Variants in PPM1L observed in about 807,000 individuals in gnomAD.
PPM1L encodes the protein protein phosphatase, Mg2+/Mn2+ dependent 1L.
Under a neutral mutation model 31.4 loss-of-function variants are expected in PPM1L, and 13 were observed. That is an observed-to-expected ratio of 0.41 (90% CI 0.27 to 0.66). PPM1L has a LOEUF of 0.66. Among genes scored for constraint, PPM1L ranks in the 30% least tolerant of loss-of-function variants. PPM1L has a pLI of 0.29. For synonymous variants in PPM1L, 184 were observed against 175.4 expected (o/e 1.05, Z -0.39); for missense variants, 326 against 453.7 (o/e 0.72, Z 2.56).
chr3:160,922,249 G>T (rs1326245112), intron 1 of PPM1L, among the ~76,000 whole-genome samples: 3 of 152,050 alleles, frequency 2.0e-5, no homozygotes, highest in Non-Finnish European at 2.9e-5. Flanking sequence ...GGTGGAGCTT[G>T]CAGTGAGCCG....
chr3:160,877,691 G>T (rs1712564913), intron 1 of PPM1L, among the ~76,000 whole-genome samples: 1 of 152,190 alleles, frequency 6.6e-6, no homozygotes. Context: ...GAAGTACACT[G>T]GATTTTACAG....
chr3:160,999,132 T>C (rs116354813), intron 2 of PPM1L, among the ~76,000 whole-genome samples: 2,819 of 152,288 alleles, frequency 0.019, 78 homozygotes, highest in African/African-American at 0.063. Flanking sequence ...TCTATGTGCC[T>C]GTACTCTTTT....
chr3:160,973,764 G>GTCTTTTTTTTTTTTT (rs1716436296), intron 2 of PPM1L, among the ~76,000 whole-genome samples: 1 of 88,450 alleles, frequency 1.1e-5, no homozygotes, highest in Non-Finnish European at 2.6e-5. Context: ...GAAAGGCCCT[G>GTCTTTTTTTTTTTTT]TTTTTTTTTT....
chr3:160,892,022 G>A (rs1384847402), intron 1 of PPM1L, among the ~76,000 whole-genome samples: 1 of 152,198 alleles, frequency 6.6e-6, no homozygotes, highest in African/African-American at 2.4e-5. Context: ...GGGAGGGATA[G>A]CATTAGGAGA....
intron 2 of PPM1L, among the ~76,000 whole-genome samples, chr3:161,011,889 G>T (rs546038126): frequency 6.6e-6 from 1 of 152,204 alleles, no homozygotes; most frequent in Non-Finnish European, 1.5e-5. Flanking sequence ...ACTTGCTGAA[G>T]TTGCCTATCA....
chr3:160,973,764 G>GTTTTTTTTTTT (rs75599237), intron 2 of PPM1L, among the ~76,000 whole-genome samples: 3,033 of 87,832 alleles, frequency 0.035, 513 homozygotes, highest in Non-Finnish European at 0.062. Context: ...GAAAGGCCCT[G>GTTTTTTTTTTT]TTTTTTTTTT....
At chr3:161,036,519 T>G (rs1718746791) in intron 2 of PPM1L, among the ~76,000 whole-genome samples, 1 of 152,234 alleles carries the variant, frequency 6.6e-6, no homozygotes, top group South Asian at 2.1e-4. Flanking sequence ...GAACAATGCT[T>G]GTTACAGAGT....
At chr3:160,921,449 TTTC>T (rs1714399860) in intron 1 of PPM1L, among the ~76,000 whole-genome samples, 2 of 152,212 alleles carry the variant, frequency 1.3e-5, no homozygotes. Flanking sequence ...CCAACTCTAG[TTTC>T]TTCTTTTTTA....
At chr3:160,943,647 C>T (rs1416107626) in intron 1 of PPM1L, among the ~76,000 whole-genome samples, 2 of 152,240 alleles carry the variant, frequency 1.3e-5, no homozygotes, top group East Asian at 3.9e-4. Flanking sequence ...TTGTTTTGTA[C>T]TGCTCTTGAA....
chr3:160,920,729 G>A, intron 1 of PPM1L, among the ~76,000 whole-genome samples: 1 of 151,988 alleles, frequency 6.6e-6, no homozygotes, highest in East Asian at 1.9e-4. Context: ...GGGTGGTGAT[G>A]AGGGAAGCTT....
intron 2 of PPM1L, among the ~76,000 whole-genome samples, chr3:161,049,863 T>C (rs2108097456): frequency 6.6e-6 from 1 of 152,310 alleles, no homozygotes; most frequent in South Asian, 2.1e-4. Flanking sequence ...ACCTACTCAG[T>C]AATTGCCCAT....
At chr3:160,853,496 T>G (rs1392648653) in intron 1 of PPM1L, among the ~76,000 whole-genome samples, 1 of 152,078 alleles carries the variant, frequency 6.6e-6, no homozygotes, top group East Asian at 1.9e-4. Context: ...CTGCATAAAT[T>G]AAAGAAAAAA....
At chr3:161,017,720 T>C (rs761752870) in intron 2 of PPM1L, among the ~76,000 whole-genome samples, 8 of 152,188 alleles carry the variant, frequency 5.3e-5, no homozygotes, top group Non-Finnish European at 1.0e-4. Context: ...CCTGTTTTTA[T>C]AAGAATAAAT....
At chr3:160,896,362 T>C (rs1448606236) in intron 1 of PPM1L, among the ~76,000 whole-genome samples, 3 of 152,160 alleles carry the variant, frequency 2.0e-5, no homozygotes, top group Non-Finnish European at 2.9e-5. Flanking sequence ...AAAACCTTCA[T>C]TTAAAAAATC....
At position 161,077,004 on chromosome 3, in the gene PPM1L, G is replaced by A. The variant is rs1421551846; in HGVS notation, c.*7847G>A. On this transcript the variant is annotated 3_prime_UTR_variant, in exon 4 of 4. Transcript: ENST00000498165. Reference sequence around the variant, plus strand: ...TGTGTGAGCATCTACTATGTGCCAGGCAGTGACTGTGTCTGAGTGAATGTA... The same window carrying A: ...TGTGTGAGCATCTACTATGTGCCAGACAGTGACTGTGTCTGAGTGAATGTA... 1 of 152,076 alleles carries A rather than the reference G, an allele frequency of 6.6e-6. No individual in the cohort carries two copies. Among genetic ancestry groups the A allele is most frequent in the Non-Finnish European group, 1.5e-5 (1 of 68,012 alleles). The allele number at this position is 152,076 out of a possible 1,614,324, so 9.4% of individuals were successfully genotyped here.
chr3:160,869,530 G>A (rs1712224275), intron 1 of PPM1L, among the ~76,000 whole-genome samples: 1 of 152,030 alleles, frequency 6.6e-6, no homozygotes, highest in Admixed American at 6.5e-5. Context: ...CCTCTTAACA[G>A]TATATATGGT....
intron 1 of PPM1L, among the ~76,000 whole-genome samples, chr3:160,919,063 C>T (rs1406554946): frequency 6.6e-6 from 1 of 152,156 alleles, no homozygotes; most frequent in Non-Finnish European, 1.5e-5. Flanking sequence ...GAAATCTCCT[C>T]AGACTGGGAT....
chr3:160,757,924 A>G (rs1209913069), intron 1 of PPM1L, among the ~76,000 whole-genome samples: 2 of 152,158 alleles, frequency 1.3e-5, no homozygotes, highest in Non-Finnish European at 2.9e-5. Context: ...TTGGGTAAAC[A>G]TTGAGAAAGC....
intron 1 of PPM1L, among the ~76,000 whole-genome samples, chr3:160,903,882 C>G (rs901845487): frequency 1.3e-5 from 2 of 151,940 alleles, no homozygotes; most frequent in African/African-American, 4.8e-5. Context: ...TATATTTATG[C>G]TTTTGTATTG....
Sources: gnomAD v4.1 joint callset for allele counts (sites outside exome capture counted in the v4.1 genomes callset) on GRCh38, gnomAD v4.1.1 for gene constraint, MANE v1.5 for transcripts, NCBI Gene and HGNC (gene_info 2026-07-23, HGNC 2026-07-21) for gene names.